The following CLDN16 variants were observed in gnomAD, a reference collection of about 807,000 sequenced individuals.
The protein encoded by CLDN16 is claudin-16.
A neutral mutation model predicts 24.6 loss-of-function variants in CLDN16; 13 were observed. That is an observed-to-expected ratio of 0.53 (90% CI 0.34 to 0.84). The LOEUF is 0.84. CLDN16 is among the 40% of genes least tolerant of loss of function. CLDN16 has a pLI of 0.01. For missense variants in CLDN16, 298 were observed against 292.7 expected (o/e 1.02, Z -0.13); for synonymous variants, 116 against 106.7 (o/e 1.09, Z -0.54).
upstream of CLDN16, among the ~76,000 whole-genome samples, chr3:190,385,748 A>G (rs1366242196): frequency 1.3e-5 from 2 of 152,140 alleles, no homozygotes; most frequent in African/African-American, 4.8e-5. Flanking sequence ...GCAAAGATGG[A>G]ATTCTGATAC....
At chr3:190,400,478 G>A (rs923350179) in intron 1 of CLDN16, among the ~76,000 whole-genome samples, 3 of 151,856 alleles carry the variant, frequency 2.0e-5, no homozygotes, top group South Asian at 2.1e-4. Context: ...TGATCCGTCC[G>A]CCTCAGCCTC....
intron 2 of CLDN16, among the ~76,000 whole-genome samples, chr3:190,372,923 C>A (rs1055202877): frequency 4.6e-5 from 7 of 151,866 alleles, no homozygotes; most frequent in African/African-American, 1.7e-4. Flanking sequence ...TTGACCCCAG[C>A]CATTTAACCC....
In CLDN16 at chr3:190,340,003, G is replaced by C. The variant is rs547233954; in HGVS notation, n.121+17342G>C. Among the ~76,000 whole-genome samples the C allele has an allele frequency of 8.5e-5, 13 of 152,146 alleles. 1 individual carries two copies. In the South Asian group the frequency reaches 2.5e-3, roughly 29 times the overall value. ...GATTTATCCCTGGAATAAAAGGTTG[G>C]TTTAATATAAACAAATCAGTTGGTG... On this transcript the variant is annotated intron_variant and non_coding_transcript_variant, in intron 1 of 4. Coordinates refer to the CLDN16 transcript ENST00000468220.
chr3:190,310,400 TC>T, the CLDN16 span: 1 of 619,486 alleles, frequency 1.6e-6, no homozygotes, highest in Non-Finnish European at 2.8e-6. Context: ...AGATTAGAAG[TC>T]CAGATATGAT....
At chr3:190,379,280 G>T (rs1718309873) in intron 3 of CLDN16, among the ~76,000 whole-genome samples, 1 of 152,032 alleles carries the variant, frequency 6.6e-6, no homozygotes, top group African/African-American at 2.4e-5. Flanking sequence ...AATGTAAAAT[G>T]TATTCCAAAA....
chr3:190,331,366 T>G (rs1416017677), intron 1 of CLDN16, among the ~76,000 whole-genome samples: 1 of 152,182 alleles, frequency 6.6e-6, no homozygotes, highest in East Asian at 1.9e-4. Flanking sequence ...AAAGGCTTGT[T>G]TATTATTTGC....
At chr3:190,361,793 A>G (rs559380262) in intron 1 of CLDN16, among the ~76,000 whole-genome samples, 1 of 152,046 alleles carries the variant, frequency 6.6e-6, no homozygotes, top group African/African-American at 2.4e-5. Flanking sequence ...AACCTTGCAC[A>G]GGGGAATTCC....
At chr3:190,351,729 A>G (rs1717675719) in intron 1 of CLDN16, among the ~76,000 whole-genome samples, 1 of 152,182 alleles carries the variant, frequency 6.6e-6, no homozygotes, top group Non-Finnish European at 1.5e-5. Context: ...AACAGATGGA[A>G]AACAAAATAA....
At chr3:190,340,358 T>C (rs1166907819) in intron 1 of CLDN16, among the ~76,000 whole-genome samples, 1 of 152,188 alleles carries the variant, frequency 6.6e-6, no homozygotes, top group East Asian at 1.9e-4. Context: ...TACAGTTCCA[T>C]GCAGCGGGGA....
At position 190,397,186 on chromosome 3, in the gene CLDN16, C is replaced by T. The variant is rs1288197770; in HGVS notation, c.115-5151C>T. ...GCTTTCCTCATGCTTGTGACTTCTA[C>T]TTTATTATTGTACCTTAAATAAACC... On this transcript the variant is annotated intron_variant, in intron 1 of 4. Coordinates refer to ENST00000264734, the MANE Select transcript of CLDN16 (RefSeq NM_006580.4). Among the ~76,000 whole-genome samples the T allele has an allele frequency of 4.6e-5, 7 of 152,246 alleles. No individual in the cohort carries two copies. In the East Asian group the frequency reaches 1.2e-3, roughly 25 times the overall value.
chr3:190,317,667 A>G (rs1324757080), upstream of CLDN16, among the ~76,000 whole-genome samples: 1 of 152,188 alleles, frequency 6.6e-6, no homozygotes, highest in Non-Finnish European at 1.5e-5. Flanking sequence ...TTGGTATATA[A>G]GGGTGATTGG....
chr3:190,363,554 GTGTATATATATATATATA>G lies in CLDN16; in HGVS notation n.122-7337_122-7320del, dbSNP rs1181373659. On this transcript the variant is annotated intron_variant and non_coding_transcript_variant, in intron 1 of 4. Transcript: ENST00000468220. Reference sequence around the variant, plus strand: ...CCAGTTGCTGTGCGTGTGTGTGTGTGTGTATATATATATATATATATATATATATATATATATATATAT... The same window carrying G: ...CCAGTTGCTGTGCGTGTGTGTGTGTGTATATATATATATATATATATATAT... Among the ~76,000 whole-genome samples, 436 of 81,360 alleles carry G rather than the reference GTGTATATATATATATATA, an allele frequency of 5.4e-3. 29 individuals are homozygous for G. The highest frequency in any genetic ancestry group is 0.03 in the East Asian group (68 of 2,270). 53.4% of individuals were successfully genotyped at this position (81,360 alleles called of 152,430 possible).
At chr3:190,365,160 C>G (rs1402250141) in intron 1 of CLDN16, among the ~76,000 whole-genome samples, 13 of 151,842 alleles carry the variant, frequency 8.6e-5, no homozygotes, top group Non-Finnish European at 1.8e-4. Context: ...TGTTTCCTGG[C>G]TGCCACTCTG....
chr3:190,369,707 A>T (rs891550953), intron 1 of CLDN16, among the ~76,000 whole-genome samples: 1 of 151,934 alleles, frequency 6.6e-6, no homozygotes, highest in Non-Finnish European at 1.5e-5. Flanking sequence ...TTGTTTATTG[A>T]GTCTTTTGTC....
upstream of CLDN16, among the ~76,000 whole-genome samples, chr3:190,321,066 T>C (rs1303457419): frequency 6.6e-6 from 1 of 152,156 alleles, no homozygotes; most frequent in Non-Finnish European, 1.5e-5. Context: ...TCACTGAACA[T>C]CCATTACACA....
At chr3:190,407,156 A>C (rs1056636041) in intron 3 of CLDN16, among the ~76,000 whole-genome samples, 14 of 152,146 alleles carry the variant, frequency 9.2e-5, no homozygotes, top group Admixed American at 6.5e-5. Context: ...TTTTTTGGAG[A>C]CTACATATTT....
intron 1 of CLDN16, among the ~76,000 whole-genome samples, chr3:190,361,169 C>T (rs1717880117): frequency 6.6e-6 from 1 of 151,920 alleles, no homozygotes; most frequent in Non-Finnish European, 1.5e-5. Context: ...AGTAATTACC[C>T]AGCACCCACT....
the CLDN16 span, among the ~76,000 whole-genome samples, chr3:190,299,461 A>C: frequency 6.6e-6 from 1 of 152,020 alleles, no homozygotes; most frequent in Non-Finnish European, 1.5e-5. Flanking sequence ...GTATGTAACT[A>C]TTTTTTAAGG....
At chr3:190,291,509 G>A in the CLDN16 span, among the ~76,000 whole-genome samples, 2 of 152,016 alleles carry the variant, frequency 1.3e-5, no homozygotes, top group African/African-American at 2.4e-5. Flanking sequence ...CAGCATGGGG[G>A]AAACCACCTC....
Sources: allele counts gnomAD v4.1 joint callset (sites outside exome capture counted in the v4.1 genomes callset), GRCh38; gene constraint gnomAD v4.1.1; transcripts MANE v1.5; gene names NCBI Gene and HGNC (gene_info 2026-07-23, HGNC 2026-07-21).